Variants in FGFR1 observed in about 807,000 individuals in gnomAD.
FGFR1 encodes FGFR1/PLAG1 fusion.
Under a neutral mutation model 93.7 loss-of-function variants are expected in FGFR1, and 18 were observed. The ratio of observed to expected loss-of-function variants is 0.19; its 90% CI spans 0.13 to 0.28. The LOEUF (loss-of-function observed/expected upper bound fraction) is 0.28, where lower values mean the gene tolerates loss of function less well. FGFR1 is among the 10% of genes least tolerant of loss of function. FGFR1 has a pLI of 1.00. For missense variants in FGFR1, 731 were observed against 1,080.4 expected (o/e 0.68, Z 4.53); for synonymous variants, 448 against 429.3 (o/e 1.04, Z -0.54).
rs1029159311 is a variant in FGFR1, at chr8:38,427,907, GCA to G, written c.621+12_621+13del. 4.3e-6 allele frequency: 7 copies of G among 1,614,030 alleles called. No individual in the cohort carries two copies. The highest frequency in any genetic ancestry group is 5.9e-6 in the Non-Finnish European group (7 of 1,179,980). ...GTTCCCATTACTCTAACTTTCGCAT[GCA>G]CACACACGTACCTTGTAGCCTCCAA... On this transcript the variant is annotated intron_variant, in intron 5 of 17. Transcript: ENST00000447712.
At chr8:38,427,525 C>A (rs949111915) in intron 5 of FGFR1, among the ~76,000 whole-genome samples, 1 of 152,222 alleles carries the variant, frequency 6.6e-6, no homozygotes, top group East Asian at 1.9e-4. Flanking sequence ...GGCAATCCGC[C>A]CACCTCGGCC....
At chr8:38,450,315 G>T (rs919904665) in intron 2 of FGFR1, among the ~76,000 whole-genome samples, 4 of 152,184 alleles carry the variant, frequency 2.6e-5, no homozygotes, top group African/African-American at 9.7e-5. Flanking sequence ...GGTCAACAGG[G>T]AAACAGTTGT....
At chr8:38,439,655 C>CA (rs1826703029) in intron 2 of FGFR1, among the ~76,000 whole-genome samples, 1 of 152,172 alleles carries the variant, frequency 6.6e-6, no homozygotes, top group Non-Finnish European at 1.5e-5. Flanking sequence ...GTTCCACCTC[C>CA]CCAGTGGAGC....
rs1375062957 is a variant in FGFR1, at chr8:38,415,990, G to C, written c.1734C>G (p.Pro578=). The C allele has an allele frequency of 6.2e-7, 1 of 1,613,986 alleles. No homozygotes were observed. The highest frequency in any genetic ancestry group is 1.1e-5 in the South Asian group (1 of 91,070). ...GGTTGTAGCAGTATTCCAGCCCTGG[G>C]GGCCTCCGGGCCTGCAGGTACTCCC... ...NLREYLQARR[P]PGLEYCYNPS... Residue 578 remains proline, a synonymous_variant, in exon 13 of 18, where the codon CCC becomes CCG. Transcript: ENST00000447712.
chr8:38,439,405 C>T (rs1037778322), intron 2 of FGFR1, among the ~76,000 whole-genome samples: 11 of 152,202 alleles, frequency 7.2e-5, no homozygotes, highest in Admixed American at 6.5e-5. Flanking sequence ...AGCCCCTCAC[C>T]GTTGATTACA....
At chr8:38,460,565 G>C (rs1055204816) in intron 1 of FGFR1, among the ~76,000 whole-genome samples, 1 of 152,086 alleles carries the variant, frequency 6.6e-6, no homozygotes, top group African/African-American at 2.4e-5. Context: ...CAGCTCCCTG[G>C]TCAATGCACT....
intron 2 of FGFR1, among the ~76,000 whole-genome samples, chr8:38,454,771 G>GT (rs1215524022): frequency 6.6e-6 from 1 of 152,152 alleles, no homozygotes; most frequent in Non-Finnish European, 1.5e-5. Flanking sequence ...GACGTATGGT[G>GT]TTTGAGTAGT....
intron 2 of FGFR1, among the ~76,000 whole-genome samples, chr8:38,451,676 A>G (rs796418991): frequency 6.6e-6 from 1 of 152,068 alleles, no homozygotes; most frequent in South Asian, 2.1e-4. Context: ...GACTCCTTCA[A>G]ATCTGGGTGG....
intron 2 of FGFR1, among the ~76,000 whole-genome samples, chr8:38,441,261 C>A (rs1377013283): frequency 6.6e-6 from 1 of 152,210 alleles, no homozygotes; most frequent in Non-Finnish European, 1.5e-5. Context: ...ACGGATTCAT[C>A]TGATGCCTCC....
chr8:38,465,196 C>A (rs187694822), intron 1 of FGFR1, among the ~76,000 whole-genome samples: 1 of 152,322 alleles, frequency 6.6e-6, no homozygotes, highest in African/African-American at 2.4e-5. Flanking sequence ...TATCAAAGGG[C>A]CACCTAATGG....
intron 2 of FGFR1, among the ~76,000 whole-genome samples, chr8:38,433,384 T>C (rs1824021552): frequency 6.6e-6 from 1 of 152,010 alleles, no homozygotes; most frequent in Non-Finnish European, 1.5e-5. Context: ...AATCTTGGCT[T>C]GCTGCAACTT....
rs997319474 is a variant in FGFR1, at chr8:38,424,984, C to T, written c.746-285G>A. On this transcript the variant is annotated intron_variant, in intron 6 of 17. Transcript: ENST00000447712. The surrounding 1 kb of genome is among the most constrained non-coding windows in gnomAD (Gnocchi z 4.3). Reference sequence around the variant, plus strand: ...TTCTAATTCAGTTGCACCCCCAGACCTCAGCACAACCTGCTCCTCCTTAAA... The same window carrying T: ...TTCTAATTCAGTTGCACCCCCAGACTTCAGCACAACCTGCTCCTCCTTAAA... Among the ~76,000 whole-genome samples, 4 of 152,180 alleles carry T rather than the reference C, an allele frequency of 2.6e-5. No individual in the cohort carries two copies. Among genetic ancestry groups the T allele is most frequent in the African/African-American group, 9.7e-5 (4 of 41,438 alleles).
At chr8:38,440,052 G>A (rs946634382) in intron 2 of FGFR1, among the ~76,000 whole-genome samples, 1 of 152,062 alleles carries the variant, frequency 6.6e-6, no homozygotes, top group African/African-American at 2.4e-5. Context: ...TTTGATTTCT[G>A]AGTTAAGAAA....
At chr8:38,446,743 C>CA (rs1402862549) in intron 2 of FGFR1, among the ~76,000 whole-genome samples, 8 of 152,024 alleles carry the variant, frequency 5.3e-5, no homozygotes, top group African/African-American at 9.7e-5. Context: ...CTAGTAGCCT[C>CA]AAAAAAATGT....
chr8:38,414,368 AG>A, intron 15 of FGFR1, 79 bp from the exon 16 acceptor site: 6 of 1,604,796 alleles, frequency 3.7e-6, no homozygotes, highest in Non-Finnish European at 5.1e-6. Context: ...TACCCAGGGC[AG>A]TGCCAGGAGA....
chr8:38,462,601 T>C (rs1834650103), intron 1 of FGFR1, among the ~76,000 whole-genome samples: 1 of 152,098 alleles, frequency 6.6e-6, no homozygotes, highest in Admixed American at 6.6e-5. Context: ...GTTATAATGT[T>C]ATATTTCTTT....
At chr8:38,417,821 G>A (rs766387527) in intron 11 of FGFR1, 49 bp downstream of exon 11, 1 of 1,614,054 alleles carries the variant, frequency 6.2e-7, no homozygotes, top group Non-Finnish European at 8.5e-7. Context: ...CCTGCTGTTT[G>A]CTTGGAATGG....
intron 8 of FGFR1, 25 bp downstream of exon 8, chr8:38,421,772 C>T (rs368384284): frequency 5.6e-6 from 9 of 1,613,592 alleles, no homozygotes; most frequent in African/African-American, 4.0e-5. Context: ...GGCAGGACAT[C>T]GAGAGGAGAA....
At chr8:38,418,922 G>A (rs1161914057) in intron 9 of FGFR1, among the ~76,000 whole-genome samples, 1 of 152,160 alleles carries the variant, frequency 6.6e-6, no homozygotes, top group African/African-American at 2.4e-5. Flanking sequence ...CCTGGTAGGA[G>A]GTCATTGACT....
Sources: gnomAD v4.1 joint callset for allele counts (sites outside exome capture counted in the v4.1 genomes callset) on GRCh38, gnomAD v4.1.1 for gene constraint, Gnocchi (gnomAD v3.1) non-coding constraint, MANE v1.5 for transcripts, NCBI Gene and HGNC (gene_info 2026-07-23, HGNC 2026-07-21) for gene names.